The following PCDHA2 variants were observed in gnomAD, a reference collection of about 807,000 sequenced individuals.
PCDHA2 encodes the protein protocadherin alpha 2.
Under a neutral mutation model 66.0 loss-of-function variants are expected in PCDHA2, and 58 were observed. The observed-to-expected ratio is 0.88, with a 90% CI of 0.71 to 1.09. The LOEUF (loss-of-function observed/expected upper bound fraction) is 1.09. Ranked by LOEUF, PCDHA2 falls within the 50% of genes least tolerant of loss-of-function variation. The pLI is 0.00. For missense variants in PCDHA2, 1,267 were observed against 1,242.3 expected (o/e 1.02, Z -0.30); for synonymous variants, 634 against 554.0 (o/e 1.14, Z -2.03).
intron 1 of PCDHA2, among the ~76,000 whole-genome samples, chr5:140,906,958 G>A (rs1220105162): frequency 1.3e-5 from 2 of 152,124 alleles, no homozygotes; most frequent in Non-Finnish European, 2.9e-5. Flanking sequence ...CAGTTTAATG[G>A]AATCGTGGTT....
Position 140,795,704 on chromosome 5 carries a change from A to T in PCDHA2, c.740A>T (p.Tyr247Phe), listed in dbSNP as rs782408299. ...GAACCAACTTTTGCCCAATCAGTTT[A>T]CAAAGTAAAATTGTTAGAGAATACG... is the stretch of plus-strand genomic sequence containing the variant. ...DNEPTFAQSV[Y>F]KVKLLENTAN... The change falls in exon 1 of 4, where the codon TAC (tyrosine) becomes TTC (phenylalanine). Residue 247 changes from tyrosine to phenylalanine, a missense_variant. Tyr to Phe is a conservative substitution (Grantham distance 22). Coordinates refer to ENST00000526136, the MANE Select transcript of PCDHA2 (RefSeq NM_018905.3). 1.7e-5 allele frequency: 27 copies of T among 1,614,054 alleles called. No individual in the cohort carries two copies. Among genetic ancestry groups the T allele is most frequent in the Non-Finnish European group, 2.3e-5 (27 of 1,180,024 alleles).
chr5:140,829,627 G>A, intron 1 of PCDHA2: 1 of 1,612,248 alleles, frequency 6.2e-7, no homozygotes, highest in Non-Finnish European at 8.5e-7. Context: ...CGGTGCACGC[G>A]GAGAGCGGCA....
In PCDHA2 at chr5:140,797,390, T is replaced by C. The variant is rs782688551; in HGVS notation, c.2388+38T>C. The C allele has an allele frequency of 4.4e-6, 7 of 1,584,260 alleles. No individual in the cohort carries two copies. In the Middle Eastern group the frequency reaches 5.1e-4, roughly 115 times the overall value. On this transcript the variant is annotated intron_variant, in intron 1 of 3. Transcript: ENST00000526136. The stretch of plus-strand genomic sequence containing the variant: ...CTTTTTCTTGCCAATTCTAAAATTG[T>C]TCTTTTTAAAAAATTCTATATGATT...
intron 3 of PCDHA2, among the ~76,000 whole-genome samples, chr5:140,984,425 A>G (rs1488284803): frequency 6.6e-6 from 1 of 152,174 alleles, no homozygotes; most frequent in Non-Finnish European, 1.5e-5. Context: ...GAGATAGAGA[A>G]GGGGATCTCC....
chr5:140,856,831 A>G, intron 1 of PCDHA2: 1 of 1,591,946 alleles, frequency 6.3e-7, no homozygotes, highest in African/African-American at 1.3e-5. Flanking sequence ...CATTAGTAAT[A>G]CGGCTCAACG....
Position 140,797,034 on chromosome 5 carries a change from G to C in PCDHA2, c.2070G>C (p.Glu690Asp). The change falls in exon 1 of 4, where the codon GAG becomes GAC. Residue 690 changes from glutamate (E) to aspartate (D), a missense_variant. Glu to Asp is a conservative substitution (Grantham distance 45). Transcript: ENST00000526136. ...CGTGGGTGGGCGCCGCGGGCTCAGA[G>C]GCTACGCTGGTGGATGTCAACGTGT... ...SRAWVGAAGS[E>D]ATLVDVNVYL... The C allele has an allele frequency of 1.5e-5, 25 of 1,613,728 alleles. No homozygotes were observed. The highest frequency in any genetic ancestry group is 1.9e-5 in the Non-Finnish European group (23 of 1,179,968).
At position 140,864,979 on chromosome 5, in the gene PCDHA2, CTTGAGACCAGGAGT is replaced by C. The variant is rs2153225793; in HGVS notation, c.2388+67638_2388+67651del. 3.3e-5 allele frequency: 5 copies of C among 152,266 alleles called. No homozygotes were observed. In the South Asian group the frequency reaches 1.0e-3, roughly 32 times the overall value. The allele number at this position is 152,266 out of a possible 1,614,324, so 9.4% of individuals were successfully genotyped here. A position where few individuals can be genotyped will look rare whatever the true frequency, so the allele number is the denominator to read the frequency against. On this transcript the variant is annotated intron_variant, in intron 1 of 3. Coordinates refer to ENST00000526136, the MANE Select transcript of PCDHA2 (RefSeq NM_018905.3). ...TTGGGAAGCCGAGGGAGGAGGATCG[CTTGAGACCAGGAGT>C]TTGAGACCAGCCTCGGCAACATAGT...
chr5:140,911,473 T>C (rs2075497981), intron 1 of PCDHA2, among the ~76,000 whole-genome samples: 1 of 152,180 alleles, frequency 6.6e-6, no homozygotes, highest in Non-Finnish European at 1.5e-5. Flanking sequence ...GATAAGACTC[T>C]CACTCAGGGC....
intron 1 of PCDHA2, chr5:140,929,632 C>T: frequency 2.6e-6 from 1 of 387,580 alleles, no homozygotes; most frequent in Admixed American, 4.5e-5. Flanking sequence ...TTATAAGCAA[C>T]AGATGTGTAA....
chr5:140,876,807 G>A (rs782408048), intron 1 of PCDHA2: 1 of 1,614,234 alleles, frequency 6.2e-7, no homozygotes, highest in South Asian at 1.1e-5. Context: ...CCGTGGAGGT[G>A]GCCGACGTGA....
At chr5:141,004,013 G>C (rs1327248207) in intron 3 of PCDHA2, among the ~76,000 whole-genome samples, 4 of 152,124 alleles carry the variant, frequency 2.6e-5, no homozygotes, top group African/African-American at 9.7e-5. Context: ...AGGCAGCACT[G>C]AAAGAAGAAA....
intron 1 of PCDHA2, among the ~76,000 whole-genome samples, chr5:140,924,437 T>C (rs2081836231): frequency 6.6e-6 from 1 of 152,206 alleles, no homozygotes; most frequent in Non-Finnish European, 1.5e-5. Flanking sequence ...CTAGAAGAGA[T>C]AACGAATGGG....
chr5:140,808,444 A>C, intron 1 of PCDHA2: 3 of 1,614,178 alleles, frequency 1.9e-6, no homozygotes, highest in Non-Finnish European at 2.5e-6. Context: ...AGAGCGTGTC[A>C]GCCTATGAGC....
chr5:140,861,728 A>G (rs2047042358), intron 1 of PCDHA2: 1 of 191,386 alleles, frequency 5.2e-6, no homozygotes, highest in Non-Finnish European at 1.1e-5. Context: ...TGCTCTGATG[A>G]CTTACATACT....
At chr5:140,898,870 C>T (rs1477095887) in intron 1 of PCDHA2, among the ~76,000 whole-genome samples, 3 of 151,586 alleles carry the variant, frequency 2.0e-5, no homozygotes, top group South Asian at 4.2e-4. Context: ...TTTCATTGAG[C>T]AGTGGTTTGT....
At position 140,944,959 on chromosome 5, in the gene PCDHA2, A is replaced by C. The variant is rs183198577; in HGVS notation, c.2389-33990A>C. Among the ~76,000 whole-genome samples, 72 of 152,254 alleles carry C rather than the reference A, an allele frequency of 4.7e-4. No individual in the cohort carries two copies. The East Asian group carries it at 0.012, about 25-fold the overall frequency. ...TTAGATGATTGTGAATAAGAGTATT[A>C]TCTTAACCTCTCTGGTGGGTCTACT... On this transcript the variant is annotated intron_variant, in intron 1 of 3. Coordinates refer to ENST00000526136, the MANE Select transcript of PCDHA2 (RefSeq NM_018905.3).
At chr5:140,980,858 A>T (rs2096908934) in intron 2 of PCDHA2, among the ~76,000 whole-genome samples, 2 of 152,162 alleles carry the variant, frequency 1.3e-5, no homozygotes, top group Admixed American at 1.3e-4. Flanking sequence ...TCTTTTTCGT[A>T]TGTGTGCTTG....
chr5:140,913,898 CTTTT>C (rs1351691139), intron 1 of PCDHA2, among the ~76,000 whole-genome samples: 2 of 152,020 alleles, frequency 1.3e-5, no homozygotes, highest in African/African-American at 4.8e-5. Flanking sequence ...CAAAATTCCC[CTTTT>C]TTATTTCTAA....
chr5:141,010,325 G>T lies in PCDHA2; in HGVS notation c.*388G>T. On this transcript the variant is annotated 3_prime_UTR_variant, in exon 4 of 4. Coordinates refer to ENST00000526136, the MANE Select transcript of PCDHA2 (RefSeq NM_018905.3). Reference sequence around the variant, plus strand: ...GAAAAGTTTTGAGATTGAGCAGCTTGGGAGTTTGTGGCCACTGGGTATGTG... The same window carrying T: ...GAAAAGTTTTGAGATTGAGCAGCTTTGGAGTTTGTGGCCACTGGGTATGTG... 1 of 1,539,506 alleles carries T rather than the reference G, an allele frequency of 6.5e-7. No individual in the cohort carries two copies. The highest frequency in any genetic ancestry group is 8.7e-7 in the Non-Finnish European group (1 of 1,142,888).
Sources: gnomAD v4.1 joint callset for allele counts (sites outside exome capture counted in the v4.1 genomes callset) on GRCh38, gnomAD v4.1.1 for gene constraint, MANE v1.5 for transcripts, NCBI Gene and HGNC (gene_info 2026-07-23, HGNC 2026-07-21) for gene names.